Variants in ACSBG1 observed in about 807,000 individuals in gnomAD.
ACSBG1 encodes long-chain-fatty-acid--CoA ligase ACSBG1.
In ACSBG1, 39 loss-of-function variants were observed where a neutral mutation model predicts 80.2. That is an observed-to-expected ratio of 0.49 (90% CI 0.38 to 0.64). The LOEUF is 0.64. Among genes scored for constraint, ACSBG1 ranks in the 30% least tolerant of loss-of-function variants. ACSBG1 has a pLI of 0.00. For synonymous variants in ACSBG1, 392 were observed against 379.5 expected (o/e 1.03, Z -0.38); for missense variants, 828 against 966.4 (o/e 0.86, Z 1.90).
intron 5 of ACSBG1, among the ~76,000 whole-genome samples, chr15:78,193,005 G>A (rs1013758326): frequency 2.7e-4 from 41 of 152,044 alleles, no homozygotes; most frequent in African/African-American, 9.7e-4. Flanking sequence ...AAAAGCCCCC[G>A]CTGGCTCTAG....
At chr15:78,181,833 C>G in intron 8 of ACSBG1, 136 bp downstream of exon 8, 1 of 1,176,524 alleles carries the variant, frequency 8.5e-7, no homozygotes, top group Non-Finnish European at 1.2e-6. Flanking sequence ...CAGGCTGTGC[C>G]CACTGCAGCT....
At chr15:78,179,260 A>G (rs991803875) in intron 10 of ACSBG1, among the ~76,000 whole-genome samples, 4 of 152,192 alleles carry the variant, frequency 2.6e-5, no homozygotes, top group Non-Finnish European at 4.4e-5. Context: ...GGGAGGGGCC[A>G]GAGGAAAACT....
chr15:78,181,188 A>C, intron 8 of ACSBG1: 1 of 487,558 alleles, frequency 2.1e-6, no homozygotes, highest in South Asian at 4.1e-5. Context: ...GAGCATGGCA[A>C]CTCTCCATGA....
chr15:78,221,374 C>G (rs1198876492), intron 1 of ACSBG1, among the ~76,000 whole-genome samples: 3 of 152,178 alleles, frequency 2.0e-5, no homozygotes. Context: ...TGTGCCCAGA[C>G]GTGCACGTAG....
At chr15:78,185,401 C>T (rs1284273443) in intron 5 of ACSBG1, among the ~76,000 whole-genome samples, 1 of 152,004 alleles carries the variant, frequency 6.6e-6, no homozygotes, top group African/African-American at 2.4e-5. Context: ...AGGGTCATGT[C>T]TTAGTGATGA....
Position 78,216,681 on chromosome 15 carries a change from A to T in ACSBG1, c.132-8579T>A, listed in dbSNP as rs779938642. 5.9e-4 allele frequency among the ~76,000 whole-genome samples: 90 copies of T among 152,116 alleles called. 1 individual carries two copies. The highest frequency in any genetic ancestry group is 1.8e-3 in the Admixed American group (28 of 15,274). On this transcript the variant is annotated intron_variant, in intron 1 of 13. Transcript: ENST00000258873. ...ACTGAAGCCCCCAGCCCAAGACCCC[A>T]AAGGAAGTGTGTTTGCTGAGAGGCC...
chr15:78,187,752 T>A (rs1013093975), intron 5 of ACSBG1, among the ~76,000 whole-genome samples: 3 of 152,218 alleles, frequency 2.0e-5, no homozygotes, highest in Non-Finnish European at 2.9e-5. Flanking sequence ...GCATTCCCTT[T>A]GAAAACTGGC....
rs2074935966 is a variant in ACSBG1 at position 78,180,891 on chromosome 15, T to G, written c.1117A>C (p.Met373Leu). Residue 373 changes from methionine (M) to leucine (L), a missense_variant, in exon 9 of 14, where the codon ATG (methionine) becomes CTG (leucine). Coordinates refer to ENST00000258873, the MANE Select transcript of ACSBG1 (RefSeq NM_015162.5). ...TTCTCCCATACCCGGGGCACCCCCA[T>G]GTGTGATGTGGGCTCCACCTCCCGC... is the stretch of plus-strand genomic sequence containing the variant. ...TLREVEPTSH[M>L]GVPRVWEKIM... 2 of 1,614,098 alleles carry G rather than the reference T, an allele frequency of 1.2e-6. No individual in the cohort carries two copies. The highest frequency in any genetic ancestry group is 1.3e-5 in the African/African-American group (1 of 74,950).
chr15:78,168,735 A>T lies in ACSBG1; in HGVS notation c.*2709T>A. On this transcript the variant is annotated 3_prime_UTR_variant, in exon 14 of 14. Coordinates refer to ENST00000258873, the MANE Select transcript of ACSBG1 (RefSeq NM_015162.5). ...AGAGTGCTGTTGTATACACTATGAGATTGGATCCCGATCCTCCTGGGCTGG... is the reference window on the plus strand; with the variant it reads ...AGAGTGCTGTTGTATACACTATGAGTTTGGATCCCGATCCTCCTGGGCTGG... 1.8e-6 allele frequency: 1 copy of T among 545,140 alleles called. No individual in the cohort carries two copies. Among genetic ancestry groups the T allele is most frequent in the Non-Finnish European group, 3.3e-6 (1 of 298,940 alleles). 33.8% of individuals were successfully genotyped at this position (545,140 alleles called of 1,614,324 possible).
chr15:78,191,025 TTAAATA>T, intron 5 of ACSBG1, among the ~76,000 whole-genome samples: 1 of 152,310 alleles, frequency 6.6e-6, no homozygotes, highest in African/African-American at 2.4e-5. Flanking sequence ...GAAACTCACT[TTAAATA>T]TAAAGACACA....
chr15:78,176,071 TA>T (rs1196537871), intron 11 of ACSBG1, among the ~76,000 whole-genome samples: 2 of 103,528 alleles, frequency 1.9e-5, no homozygotes, highest in South Asian at 3.2e-4. Context: ...TAAGATTTAA[TA>T]ATTTTTTTTT....
At chr15:78,187,972 CAA>C (rs1446425621) in intron 5 of ACSBG1, among the ~76,000 whole-genome samples, 1 of 152,102 alleles carries the variant, frequency 6.6e-6, no homozygotes, top group African/African-American at 2.4e-5. Flanking sequence ...GCAACTTCAG[CAA>C]AGTCTCAGGA....
At position 78,169,772 on chromosome 15, in the gene ACSBG1, A is replaced by G. The variant is rs1032195566; in HGVS notation, c.*1672T>C. 1.3e-5 allele frequency: 2 copies of G among 152,212 alleles called. No individual in the cohort carries two copies. Among genetic ancestry groups the G allele is most frequent in the Non-Finnish European group, 2.9e-5 (2 of 68,032 alleles). The allele number at this position is 152,212 out of a possible 1,614,324, so 9.4% of individuals were successfully genotyped here. On this transcript the variant is annotated 3_prime_UTR_variant, in exon 14 of 14. Coordinates refer to ENST00000258873, the MANE Select transcript of ACSBG1 (RefSeq NM_015162.5). ...AGCTAGTACTTCATTTTCACTGGATACATTTTCAGCATCATGAGTTGTCAC... is the reference window on the plus strand; with the variant it reads ...AGCTAGTACTTCATTTTCACTGGATGCATTTTCAGCATCATGAGTTGTCAC...
At position 78,171,228 on chromosome 15, in the gene ACSBG1, A is replaced by G. The variant is rs1302108858; in HGVS notation, c.*216T>C. Reference sequence around the variant, plus strand: ...TCACCTGAACAAAAAGCAATACTTAAACTGAATTAAAACTACCCACACGTG... The same window carrying G: ...TCACCTGAACAAAAAGCAATACTTAGACTGAATTAAAACTACCCACACGTG... On this transcript the variant is annotated 3_prime_UTR_variant, in exon 14 of 14. Coordinates refer to ENST00000258873, the MANE Select transcript of ACSBG1 (RefSeq NM_015162.5). 4.6e-6 allele frequency: 2 copies of G among 435,004 alleles called. No individual in the cohort carries two copies. Among genetic ancestry groups the G allele is most frequent in the South Asian group, 6.8e-5 (2 of 29,626 alleles). 26.9% of individuals were successfully genotyped at this position (435,004 alleles called of 1,614,324 possible).
At chr15:78,227,063 T>C (rs2075410106) in intron 1 of ACSBG1, among the ~76,000 whole-genome samples, 2 of 150,128 alleles carry the variant, frequency 1.3e-5, no homozygotes, top group African/African-American at 2.4e-5. Flanking sequence ...CTACTAAAAA[T>C]ACAAAACTTA....
chr15:78,179,525 TG>T, intron 10 of ACSBG1, 24 bp downstream of exon 10: 1 of 1,596,838 alleles, frequency 6.3e-7, no homozygotes, highest in Non-Finnish European at 8.6e-7. Flanking sequence ...TGGGTGTGCA[TG>T]TGTGTGGCAG....
intron 1 of ACSBG1, among the ~76,000 whole-genome samples, chr15:78,218,514 C>A (rs1051740465): frequency 6.6e-6 from 1 of 152,146 alleles, no homozygotes. Context: ...GGAGCCTGGC[C>A]TTTTAGGGGA....
At chr15:78,208,148 G>C in intron 1 of ACSBG1, 46 bp from the exon 2 acceptor site, 1 of 1,498,888 alleles carries the variant, frequency 6.7e-7, no homozygotes, top group Non-Finnish European at 9.2e-7. Context: ...AGAACGTGGG[G>C]GACCGGCCTG....
In ACSBG1 at chr15:78,178,555, G is replaced by T; in HGVS notation, c.1702+59C>A. ...GAGCTCAGACAATCTGCCCGCCTTG[G>T]CCTCCCAAAGTGCTGGGATTACAGG... On this transcript the variant is annotated intron_variant, in intron 11 of 13. Transcript: ENST00000258873. The surrounding 1 kb of genome is among the most constrained non-coding windows in gnomAD (Gnocchi z 4.3). The T allele has an allele frequency of 6.5e-7, 1 of 1,533,514 alleles. No homozygotes were observed. Among genetic ancestry groups the T allele is most frequent in the Non-Finnish European group, 8.8e-7 (1 of 1,140,772 alleles). 95.0% of individuals were successfully genotyped at this position (1,533,514 alleles called of 1,614,324 possible).
Sources: allele counts gnomAD v4.1 joint callset (sites outside exome capture counted in the v4.1 genomes callset), GRCh38; gene constraint gnomAD v4.1.1; non-coding constraint Gnocchi (gnomAD v3.1); transcripts MANE v1.5; gene names NCBI Gene and HGNC (gene_info 2026-07-23, HGNC 2026-07-21).